The following SEMA3A variants were observed in gnomAD, a reference collection of about 807,000 sequenced individuals.
The protein encoded by SEMA3A is semaphorin 3A.
A neutral mutation model predicts 97.9 loss-of-function variants in SEMA3A; 29 were observed. That is an observed-to-expected ratio of 0.30 (90% confidence interval 0.22 to 0.40). The LOEUF (loss-of-function observed/expected upper bound fraction) is 0.40. SEMA3A is among the 10% of genes least tolerant of loss of function. The pLI is 1.00. For missense variants in SEMA3A, 763 were observed against 951.3 expected, an observed-to-expected ratio of 0.80 and a Z score of 2.60; for synonymous variants, 321 against 323.7, an observed-to-expected ratio of 0.99 and a Z score of 0.09.
chr7:84,180,413 T>C (rs1797706754), intron 1 of SEMA3A, among the ~76,000 whole-genome samples: 1 of 152,010 alleles, frequency 6.6e-6, no homozygotes, highest in East Asian at 1.9e-4. Context: ...CGAGGCTGGG[T>C]GTGGAGGCTT....
At chr7:84,426,587 C>T (rs1485704806) in intron 1 of SEMA3A, among the ~76,000 whole-genome samples, 1 of 152,058 alleles carries the variant, frequency 6.6e-6, no homozygotes, top group Non-Finnish European at 1.5e-5. Flanking sequence ...AATGTTCTAG[C>T]ATCACATTTC....
At chr7:84,030,320 C>T (rs1224692257) in intron 6 of SEMA3A, among the ~76,000 whole-genome samples, 3 of 152,066 alleles carry the variant, frequency 2.0e-5, no homozygotes, top group Admixed American at 6.5e-5. Flanking sequence ...CCTAACCTAC[C>T]TCATTTTTAA....
intron 3 of SEMA3A, among the ~76,000 whole-genome samples, chr7:84,304,073 T>C (rs2115836972): frequency 6.6e-6 from 1 of 152,246 alleles, no homozygotes; most frequent in East Asian, 1.9e-4. Context: ...TAATATTGCC[T>C]GTCCCTTTAA....
intron 1 of SEMA3A, among the ~76,000 whole-genome samples, chr7:84,141,710 C>T (rs1434079621): frequency 2.0e-5 from 3 of 152,044 alleles, no homozygotes; most frequent in Non-Finnish European, 4.4e-5. Context: ...TGTTGTTCCC[C>T]TCTATGTATT....
chr7:84,142,067 T>C (rs1002365944), intron 1 of SEMA3A, among the ~76,000 whole-genome samples: 8 of 152,190 alleles, frequency 5.3e-5, no homozygotes, highest in Non-Finnish European at 1.2e-4. Context: ...TCAAATATGC[T>C]TATAAAGCTT....
At chr7:84,196,698 A>G (rs1459375725), upstream of SEMA3A, among the ~76,000 whole-genome samples, 1 of 152,200 alleles carries the variant, frequency 6.6e-6, no homozygotes, top group Non-Finnish European at 1.5e-5. Context: ...TCTGTCTTCC[A>G]TGGATTACTC....
At chr7:83,993,411 T>G (rs1369695644) in intron 12 of SEMA3A, among the ~76,000 whole-genome samples, 1 of 151,818 alleles carries the variant, frequency 6.6e-6, no homozygotes, top group Non-Finnish European at 1.5e-5. Context: ...TTCCTAGTCT[T>G]GATGGTGTTT....
At chr7:84,135,396 C>T (rs1172932567) in intron 1 of SEMA3A, among the ~76,000 whole-genome samples, 1 of 151,964 alleles carries the variant, frequency 6.6e-6, no homozygotes, top group Non-Finnish European at 1.5e-5. Flanking sequence ...CAGGTGTGAG[C>T]CAGTGTGCCC....
chr7:84,234,564 A>C (rs1474225519), intron 3 of SEMA3A, among the ~76,000 whole-genome samples: 1 of 151,992 alleles, frequency 6.6e-6, no homozygotes. Flanking sequence ...TCTGGTTCTT[A>C]ACATTCAAAC....
At chr7:84,186,130 T>C (rs1439179352) in intron 1 of SEMA3A, among the ~76,000 whole-genome samples, 1 of 152,206 alleles carries the variant, frequency 6.6e-6, no homozygotes, top group African/African-American at 2.4e-5. Flanking sequence ...TCTGATACAG[T>C]AGTCACCACT....
rs570765427 is a variant in SEMA3A, at chr7:84,370,677, C to T, written c.-169+1147G>A. 5.3e-5 allele frequency among the ~76,000 whole-genome samples: 8 copies of T among 151,524 alleles called. No homozygotes were observed. The East Asian group carries it at 1.5e-3, about 29-fold the overall frequency. On this transcript the variant is annotated intron_variant, in intron 2 of 3. Transcript: ENST00000424555. ...TTTAATACACATTATTTTGTTTAGA[C>T]CTCAAATATACCTTTATAATGTATA...
At chr7:84,142,835 T>C (rs945105318) in intron 1 of SEMA3A, among the ~76,000 whole-genome samples, 5 of 152,182 alleles carry the variant, frequency 3.3e-5, no homozygotes, top group African/African-American at 1.2e-4. Context: ...TATTTACATA[T>C]TGTACAAACA....
intron 3 of SEMA3A, among the ~76,000 whole-genome samples, chr7:84,253,745 C>A (rs1799658661): frequency 6.6e-6 from 1 of 152,072 alleles, no homozygotes; most frequent in Admixed American, 6.6e-5. Context: ...CTGGAAATGA[C>A]TTCTGTGGAG....
chr7:84,422,181 G>A (rs997759016), intron 1 of SEMA3A, among the ~76,000 whole-genome samples: 1 of 151,936 alleles, frequency 6.6e-6, no homozygotes, highest in East Asian at 1.9e-4. Context: ...ATTAATTACT[G>A]CCTCAATTTC....
intron 1 of SEMA3A, among the ~76,000 whole-genome samples, chr7:84,400,912 T>A (rs1452147381): frequency 6.6e-6 from 1 of 152,166 alleles, no homozygotes; most frequent in Non-Finnish European, 1.5e-5. Context: ...ATGGCTAGCA[T>A]CACACTGAAT....
At chr7:83,977,566 A>G (rs1040922646) in intron 14 of SEMA3A, among the ~76,000 whole-genome samples, 1 of 151,920 alleles carries the variant, frequency 6.6e-6, no homozygotes, top group African/African-American at 2.4e-5. Context: ...ATTTAAAATA[A>G]TAATCCATTT....
At position 83,980,653 on chromosome 7, in the gene SEMA3A, C is replaced by CAT. The variant is rs1554383503; in HGVS notation, c.1652+666_1652+667dup. ...ATATATATATATACACACACACACA[C>CAT]ATATACATATATACACATATACATA... On this transcript the variant is annotated intron_variant, in intron 14 of 16. Transcript: ENST00000265362. 6.0e-3 allele frequency among the ~76,000 whole-genome samples: 780 copies of CAT among 130,812 alleles called. 6 individuals carry two copies. The highest frequency in any genetic ancestry group is 0.018 in the African/African-American group (623 of 34,092). 85.8% of individuals were successfully genotyped at this position (130,812 alleles called of 152,430 possible).
intron 4 of SEMA3A, among the ~76,000 whole-genome samples, chr7:84,080,319 T>C (rs1158740129): frequency 6.6e-6 from 1 of 151,698 alleles, no homozygotes; most frequent in Non-Finnish European, 1.5e-5. Flanking sequence ...AACCTGCACA[T>C]TGTGCACATG....
intron 4 of SEMA3A, among the ~76,000 whole-genome samples, chr7:84,109,793 G>T (rs954893024): frequency 6.6e-6 from 1 of 152,142 alleles, no homozygotes; most frequent in African/African-American, 2.4e-5. Flanking sequence ...TTACAAGAGG[G>T]TTTATAATTG....
Sources: allele counts gnomAD v4.1 joint callset (sites outside exome capture counted in the v4.1 genomes callset), GRCh38; gene constraint gnomAD v4.1.1; transcripts MANE v1.5; gene names NCBI Gene and HGNC (gene_info 2026-07-23, HGNC 2026-07-21).